PTP4A3: variants seen among roughly 807,000 people sequenced by gnomAD.
The protein encoded by PTP4A3 is protein tyrosine phosphatase 4A3.
Under a neutral mutation model 15.2 loss-of-function variants are expected in PTP4A3, and 9 were observed. The observed-to-expected ratio is 0.59, with a 90% confidence interval of 0.36 to 1.03. The LOEUF is 1.03. Ranked by LOEUF, PTP4A3 falls within the 50% of genes least tolerant of loss-of-function variation. The pLI is 0.02. For synonymous variants in PTP4A3, 95 were observed against 102.0 expected (o/e 0.93, Z 0.41); for missense variants, 234 against 252.1 (o/e 0.93, Z 0.49).
intron 5 of PTP4A3, among the ~76,000 whole-genome samples, chr8:141,430,378 C>T (rs1009416313): frequency 4.0e-5 from 6 of 148,696 alleles, no homozygotes; most frequent in Admixed American, 1.3e-4. Flanking sequence ...ACAGGGTAAG[C>T]GCACAGCCCA....
intron 1 of PTP4A3, among the ~76,000 whole-genome samples, chr8:141,418,321 T>G (rs1406292790): frequency 6.6e-6 from 1 of 152,188 alleles, no homozygotes; most frequent in Non-Finnish European, 1.5e-5. Context: ...TTCAAACTTC[T>G]TAAGCTGCTG....
chr8:141,409,941 G>A (rs1413598715), intron 1 of PTP4A3, among the ~76,000 whole-genome samples: 1 of 152,174 alleles, frequency 6.6e-6, no homozygotes, highest in East Asian at 1.9e-4. Flanking sequence ...GGCCTTGGCT[G>A]TTGTCATGGC....
Position 141,425,443 on chromosome 8 carries a change from T to C in PTP4A3, c.198+303T>C, listed in dbSNP as rs1833524504. ...AAGGTGGCGGGTGGGCTCCTCTGCCTGTCTCAGGCCCTCCTCTGGGCCTGT... is the reference window on the plus strand; with the variant it reads ...AAGGTGGCGGGTGGGCTCCTCTGCCCGTCTCAGGCCCTCCTCTGGGCCTGT... On this transcript the variant is annotated intron_variant, in intron 3 of 5. Coordinates refer to ENST00000521578, the MANE Select transcript of PTP4A3 (RefSeq NM_032611.3). This position sits in a 1 kb window ranked among gnomAD's most constrained non-coding sequence, Gnocchi z 4.2. Among the ~76,000 whole-genome samples the C allele has an allele frequency of 2.0e-5, 3 of 152,070 alleles. No homozygotes were observed. Among genetic ancestry groups the C allele is most frequent in the Admixed American group, 6.5e-5 (1 of 15,284 alleles).
Position 141,430,931 on chromosome 8 carries a change from C to T in PTP4A3, c.409C>T (p.Arg137Cys), listed in dbSNP as rs1293722839. The change falls in exon 6 of 6, where the codon CGC becomes TGC. Residue 137 changes from arginine (R) to cysteine (C), a missense_variant. Transcript: ENST00000521578. ...EDAIQFIRQK[R>C]RGAINSKQLT... is the part of the protein sequence containing the mutation. ...TTCCTGTTCCCCTCTTCCCAGGAAG[C>T]GCCGCGGAGCCATCAACAGCAAGCA... The T allele has an allele frequency of 5.6e-6, 9 of 1,612,976 alleles. No individual in the cohort carries two copies. The highest frequency in any genetic ancestry group is 2.2e-5 in the South Asian group (2 of 91,084).
chr8:141,395,338 C>G (rs951442494), intron 1 of PTP4A3, among the ~76,000 whole-genome samples: 1 of 152,240 alleles, frequency 6.6e-6, no homozygotes, highest in South Asian at 2.1e-4. Flanking sequence ...TCCTCCCAGC[C>G]AAGGGTGTGG....
chr8:141,413,649 A>G (rs1832929489), intron 1 of PTP4A3, among the ~76,000 whole-genome samples: 1 of 152,216 alleles, frequency 6.6e-6, no homozygotes, highest in Admixed American at 6.5e-5. Context: ...AGGTGGGGCC[A>G]CGTGTGCGCA....
chr8:141,415,447 G>A (rs1283735046), intron 1 of PTP4A3, among the ~76,000 whole-genome samples: 1 of 150,802 alleles, frequency 6.6e-6, no homozygotes, highest in African/African-American at 2.4e-5. Flanking sequence ...GCGCTGGAGG[G>A]ACCCTCCTGC....
At chr8:141,424,388 G>A (rs1475678777) in intron 2 of PTP4A3, among the ~76,000 whole-genome samples, 4 of 152,102 alleles carry the variant, frequency 2.6e-5, no homozygotes, top group Admixed American at 6.5e-5. Flanking sequence ...TGGCGTACAG[G>A]GCCCAGCTTC....
intron 1 of PTP4A3, among the ~76,000 whole-genome samples, chr8:141,403,610 A>C (rs1227603057): frequency 2.6e-5 from 4 of 152,236 alleles, no homozygotes; most frequent in Non-Finnish European, 5.9e-5. Context: ...GGTCACAAAA[A>C]CGTCACCAGG....
rs552074206 is a variant in PTP4A3, at chr8:141,406,561, G to A, written c.-854+14477G>A. Among the ~76,000 whole-genome samples the A allele has an allele frequency of 3.3e-5, 5 of 152,266 alleles. No individual in the cohort carries two copies. The highest frequency in any genetic ancestry group is 1.2e-4 in the African/African-American group (5 of 41,548). ...CCCACTTCTTCCACTCTGCTCTGTT[G>A]GACCAATTAGGCCAACTCTGGGGAT... On this transcript the variant is annotated intron_variant, in intron 1 of 5. Coordinates refer to ENST00000521578, the MANE Select transcript of PTP4A3 (RefSeq NM_032611.3). This position sits in a 1 kb window ranked among gnomAD's most constrained non-coding sequence, Gnocchi z 4.5.
At position 141,425,910 on chromosome 8, in the gene PTP4A3, T is replaced by C. The variant is rs1387698216; in HGVS notation, c.198+770T>C. On this transcript the variant is annotated intron_variant, in intron 3 of 5. Transcript: ENST00000521578. The surrounding 1 kb of genome is among the most constrained non-coding windows in gnomAD (Gnocchi z 4.2). ...GTCCCGCCTCTGCCCTCCCCAGCCT[T>C]GCGACCCTGCAGGTCACTCCGAGCC... Among the ~76,000 whole-genome samples the C allele has an allele frequency of 6.6e-6, 1 of 152,180 alleles. No individual in the cohort carries two copies. Among genetic ancestry groups the C allele is most frequent in the East Asian group, 1.9e-4 (1 of 5,196 alleles).
chr8:141,415,264 G>C (rs1447279286), intron 1 of PTP4A3, among the ~76,000 whole-genome samples: 1 of 152,016 alleles, frequency 6.6e-6, no homozygotes. Context: ...CCAGCCTGCA[G>C]CAGGCAGTGG....
chr8:141,395,207 G>T (rs1563721682), intron 1 of PTP4A3, among the ~76,000 whole-genome samples: 1 of 152,236 alleles, frequency 6.6e-6, no homozygotes, highest in Non-Finnish European at 1.5e-5. Context: ...CTGGCAGAGA[G>T]TGTGCGCGTG....
At chr8:141,416,572 C>T (rs995232601) in intron 1 of PTP4A3, among the ~76,000 whole-genome samples, 6 of 152,136 alleles carry the variant, frequency 3.9e-5, no homozygotes, top group African/African-American at 1.4e-4. Context: ...GAGTCAGAGC[C>T]TAGCGTCTCC....
At chr8:141,426,829 G>A in intron 3 of PTP4A3, 110 bp from the exon 4 acceptor site, 1 of 1,478,272 alleles carries the variant, frequency 6.8e-7, no homozygotes, top group Non-Finnish European at 9.1e-7. Flanking sequence ...CCACCCTAGT[G>A]GGCTCCTGGC....
At chr8:141,398,659 C>A (rs899017597) in intron 1 of PTP4A3, among the ~76,000 whole-genome samples, 1 of 152,026 alleles carries the variant, frequency 6.6e-6, no homozygotes, top group African/African-American at 2.4e-5. Flanking sequence ...AACCTGAAGA[C>A]CCCCGGATGA....
chr8:141,424,438 C>T (rs1304216485), intron 2 of PTP4A3, among the ~76,000 whole-genome samples: 1 of 152,162 alleles, frequency 6.6e-6, no homozygotes, highest in Non-Finnish European at 1.5e-5. Flanking sequence ...CCTCCCTGCT[C>T]TGAGGCGCCC....
chr8:141,408,043 C>T (rs752752582), intron 1 of PTP4A3, among the ~76,000 whole-genome samples: 11 of 152,198 alleles, frequency 7.2e-5, no homozygotes, highest in East Asian at 3.9e-4. Context: ...ACAGGTGGAG[C>T]GGGCACAGAC....
In PTP4A3 at chr8:141,431,506, A is replaced by T; in HGVS notation, c.*462A>T. 1 of 156,722 alleles carries T rather than the reference A, an allele frequency of 6.4e-6. No homozygotes were observed. Among genetic ancestry groups the T allele is most frequent in the Non-Finnish European group, 1.4e-5 (1 of 71,174 alleles). 9.7% of individuals were successfully genotyped at this position (156,722 alleles called of 1,614,324 possible). On this transcript the variant is annotated 3_prime_UTR_variant, in exon 6 of 6. Transcript: ENST00000521578. ...GGTGCTCCGGACACCCGAAGGCAAT[A>T]AAACAGGAGCCGTGGCCGTGTGTGT...
Sources: gnomAD v4.1 joint callset for allele counts (sites outside exome capture counted in the v4.1 genomes callset) on GRCh38, gnomAD v4.1.1 for gene constraint, Gnocchi (gnomAD v3.1) non-coding constraint, MANE v1.5 for transcripts, NCBI Gene and HGNC (gene_info 2026-07-23, HGNC 2026-07-21) for gene names.